Variants in IL20RB observed in about 807,000 individuals in gnomAD.
IL20RB encodes the protein interleukin-20 receptor subunit beta.
Under a neutral mutation model 33.3 loss-of-function variants are expected in IL20RB, and 21 were observed. The observed-to-expected ratio is 0.63, with a 90% CI of 0.45 to 0.91. The LOEUF is 0.91. Ranked by LOEUF, IL20RB falls within the 40% of genes least tolerant of loss-of-function variation. The pLI, the probability that IL20RB is intolerant of heterozygous loss-of-function variation, is 0.00. For missense variants in IL20RB, 345 were observed against 384.8 expected (o/e 0.90, Z 0.86); for synonymous variants, 147 against 146.8 (o/e 1.00, Z -0.01).
chr3:136,985,337 CT>C (rs35515236), intron 3 of IL20RB, among the ~76,000 whole-genome samples: 2,352 of 137,182 alleles, frequency 0.017, 41 homozygotes, highest in African/African-American at 0.05. Flanking sequence ...CTCTCTCTCT[CT>C]TTTTTTTTTT....
At chr3:136,993,293 G>A (rs137953634) in intron 5 of IL20RB, among the ~76,000 whole-genome samples, 76 of 152,242 alleles carry the variant, frequency 5.0e-4, no homozygotes, top group African/African-American at 1.7e-3. Flanking sequence ...TCTTCCAGGC[G>A]TTGTCTGTGT....
In IL20RB at chr3:136,983,870, T is replaced by C. The variant is rs960018745; in HGVS notation, c.406+1520T>C. Among the ~76,000 whole-genome samples, 9 of 152,316 alleles carry C rather than the reference T, an allele frequency of 5.9e-5. No individual in the cohort carries two copies. In the East Asian group the frequency reaches 1.7e-3, roughly 29 times the overall value. On this transcript the variant is annotated intron_variant, in intron 3 of 6. Coordinates refer to ENST00000329582, the MANE Select transcript of IL20RB (RefSeq NM_144717.4). ...TTTTGTTTTTGAGGTGGAGTCTTGC[T>C]CTTTTGCCCAGGCTGGAGTGCAGTG...
intron 1 of IL20RB, among the ~76,000 whole-genome samples, chr3:136,976,398 C>T (rs1281711204): frequency 6.6e-6 from 1 of 152,178 alleles, no homozygotes; most frequent in Admixed American, 6.5e-5. Context: ...TCTGTGGCTA[C>T]AGCCTGGGCC....
At chr3:137,008,636 A>G (rs1933000666) in intron 6 of IL20RB, among the ~76,000 whole-genome samples, 1 of 152,362 alleles carries the variant, frequency 6.6e-6, no homozygotes, top group East Asian at 1.9e-4. Context: ...TGTCTAATAC[A>G]GTAGCCACTA....
At position 136,989,513 on chromosome 3, in the gene IL20RB, G is replaced by A; in HGVS notation, c.479G>A (p.Gly160Glu). Residue 160 changes from glycine (G) to glutamate (E), a missense_variant, in exon 4 of 7, where the codon GGG becomes GAG. Physicochemically the swap from Gly to Glu is moderately conservative, Grantham distance 98 (BLOSUM62 -2). Coordinates refer to ENST00000329582, the MANE Select transcript of IL20RB (RefSeq NM_144717.4). ...CTGGTTATTGAGCTGGAGGACCTGGGGCCCCAGTTTGAGTTCCTTGTGGCC... is the reference window on the plus strand; with the variant it reads ...CTGGTTATTGAGCTGGAGGACCTGGAGCCCCAGTTTGAGTTCCTTGTGGCC... Reference protein sequence around the residue: ...FHLVIELEDLGPQFEFLVAYW... With the variant: ...FHLVIELEDLEPQFEFLVAYW... 1 of 1,614,092 alleles carries A rather than the reference G, an allele frequency of 6.2e-7. No individual in the cohort carries two copies. The highest frequency in any genetic ancestry group is 8.5e-7 in the Non-Finnish European group (1 of 1,179,984).
chr3:137,010,017 AAATT>A (rs1933043332), intron 6 of IL20RB, 92 bp from the exon 7 acceptor site: 5 of 690,728 alleles, frequency 7.2e-6, no homozygotes, highest in Non-Finnish European at 7.6e-6. Flanking sequence ...TGCTGCTTGG[AAATT>A]AATTAATCAA....
intron 6 of IL20RB, among the ~76,000 whole-genome samples, chr3:137,007,751 G>A (rs547859191): frequency 6.6e-6 from 1 of 152,316 alleles, no homozygotes; most frequent in South Asian, 2.1e-4. Context: ...CCCGGGTAAG[G>A]CGATGCCCTG....
At chr3:136,994,898 C>T (rs957084007) in intron 5 of IL20RB, among the ~76,000 whole-genome samples, 1 of 152,148 alleles carries the variant, frequency 6.6e-6, no homozygotes, top group Non-Finnish European at 1.5e-5. Context: ...CAGTAGTAGC[C>T]CTAGCCTACA....
intron 1 of IL20RB, among the ~76,000 whole-genome samples, chr3:136,959,867 TAGCCACTTTGA>T (rs1560062855): frequency 6.6e-6 from 1 of 152,180 alleles, no homozygotes; most frequent in Non-Finnish European, 1.5e-5. Flanking sequence ...ATGGTCATAA[TAGCCACTTTGA>T]GGTTATGAGG....
intron 1 of IL20RB, among the ~76,000 whole-genome samples, chr3:136,970,611 T>TTTCCTTCCTTCCTTCCTTCC (rs71134422): frequency 3.9e-4 from 55 of 142,130 alleles, no homozygotes; most frequent in Admixed American, 1.2e-3. Context: ...GTTATTCTAG[T>TTTCCTTCCTTCCTTCCTTCC]TTCCTTCCTT....
chr3:136,997,974 T>C (rs1276155121), intron 6 of IL20RB, among the ~76,000 whole-genome samples: 1 of 152,024 alleles, frequency 6.6e-6, no homozygotes, highest in Non-Finnish European at 1.5e-5. Context: ...TTCACCATAT[T>C]GATCAGGCTG....
intron 1 of IL20RB, among the ~76,000 whole-genome samples, chr3:136,974,074 G>C (rs1941557866): frequency 6.6e-6 from 1 of 151,912 alleles, no homozygotes; most frequent in African/African-American, 2.4e-5. Flanking sequence ...ATTAATATGT[G>C]AGGTTTTTTC....
At chr3:136,984,956 G>A (rs1941865240) in intron 3 of IL20RB, among the ~76,000 whole-genome samples, 1 of 152,194 alleles carries the variant, frequency 6.6e-6, no homozygotes, top group Non-Finnish European at 1.5e-5. Flanking sequence ...AAGAGCATGG[G>A]GATCCAGCCA....
chr3:136,979,761 C>T (rs913069288), intron 1 of IL20RB, among the ~76,000 whole-genome samples: 6 of 152,204 alleles, frequency 3.9e-5, no homozygotes, highest in African/African-American at 1.2e-4. Context: ...AATGGACTCT[C>T]TCCACAGCAG....
intron 6 of IL20RB, among the ~76,000 whole-genome samples, chr3:137,002,170 A>G (rs1456422587): frequency 6.6e-6 from 1 of 152,106 alleles, no homozygotes; most frequent in African/African-American, 2.4e-5. Context: ...AATCCAGTCT[A>G]TCATTGATGG....
At chr3:137,003,295 A>C (rs1942283473) in intron 6 of IL20RB, among the ~76,000 whole-genome samples, 1 of 152,158 alleles carries the variant, frequency 6.6e-6, no homozygotes, top group Non-Finnish European at 1.5e-5. Flanking sequence ...AATTTCTTCC[A>C]ATTCTGTGAA....
Position 136,992,054 on chromosome 3 carries a change from C to T in IL20RB, c.648C>T (p.Ser216=), listed in dbSNP as rs371632444. 2.2e-5 allele frequency: 35 copies of T among 1,614,026 alleles called. No individual in the cohort carries two copies. In the Middle Eastern group the frequency reaches 6.6e-4, roughly 30 times the overall value. ...TCGTGAAGGCCATTGGGAGGTACAG[C>T]GCCTTCAGCCAGACAGAATGTGTGG... ...QTFVKAIGRY[S]AFSQTECVEV... Residue 216 remains serine (S), a synonymous_variant, in exon 5 of 7, where the codon AGC becomes AGT. Transcript: ENST00000329582.
Position 136,974,880 on chromosome 3 carries a change from G to T in IL20RB, c.89-5586G>T, listed in dbSNP as rs552070604. On this transcript the variant is annotated intron_variant, in intron 1 of 6. Transcript: ENST00000329582. The stretch of plus-strand genomic sequence containing the variant: ...AGTTCTGAGATTCTTTCTCCTGCTC[G>T]ATCTAGTCTATTGTTGAAGCTTTCA... Among the ~76,000 whole-genome samples the T allele has an allele frequency of 1.3e-5, 2 of 152,084 alleles. 1 individual carries two copies. The highest frequency in any genetic ancestry group is 4.1e-4 in the South Asian group (2 of 4,826).
rs557182838 is a variant in IL20RB at position 136,970,687 on chromosome 3, C to G, written c.89-9779C>G. On this transcript the variant is annotated intron_variant, in intron 1 of 6. Transcript: ENST00000329582. Reference sequence around the variant, plus strand: ...CCTTTTTTTGAGATGGAGTCTCGCTCTGTCATCCAGGCTGGAGTGCAGTGG... The same window carrying G: ...CCTTTTTTTGAGATGGAGTCTCGCTGTGTCATCCAGGCTGGAGTGCAGTGG... Among the ~76,000 whole-genome samples the G allele has an allele frequency of 2.0e-5, 3 of 149,796 alleles. 1 individual carries two copies. The South Asian group carries it at 6.3e-4, about 32-fold the overall frequency.
Sources: gnomAD v4.1 joint callset for allele counts (sites outside exome capture counted in the v4.1 genomes callset) on GRCh38, gnomAD v4.1.1 for gene constraint, MANE v1.5 for transcripts, NCBI Gene and HGNC (gene_info 2026-07-23, HGNC 2026-07-21) for gene names.